The following SUCLA2 variants were observed in gnomAD, a reference collection of about 807,000 sequenced individuals.
SUCLA2 encodes succinate--CoA ligase [ADP-forming] subunit beta, mitochondrial.
In SUCLA2, 30 loss-of-function variants were observed where a neutral mutation model predicts 54.8. The observed-to-expected ratio is 0.55, with a 90% CI of 0.41 to 0.74. The LOEUF is 0.74. Ranked by LOEUF, SUCLA2 falls within the 30% of genes least tolerant of loss-of-function variation. The pLI, the probability that SUCLA2 is intolerant of heterozygous loss-of-function variation, is 0.00. For missense variants in SUCLA2, 476 were observed against 562.9 expected, an observed-to-expected ratio of 0.85 and a Z score of 1.56; for synonymous variants, 172 against 188.9, an observed-to-expected ratio of 0.91 and a Z score of 0.74.
In SUCLA2 at chr13:47,996,970, T is replaced by A; in HGVS notation, c.144A>T (p.Gln48His). 2 of 1,614,144 alleles carry A rather than the reference T, an allele frequency of 1.2e-6. No homozygotes were observed. Among genetic ancestry groups the A allele is most frequent in the Non-Finnish European group, 1.7e-6 (2 of 1,180,008 alleles). The change falls in exon 2 of 11, where the codon CAA (glutamine) becomes CAT (histidine). Residue 48 changes from glutamine to histidine, a missense_variant. Gln to His is a conservative substitution (Grantham distance 24). Coordinates refer to ENST00000646932, the MANE Select transcript of SUCLA2 (RefSeq NM_003850.3). ...CATGTAGTGAGAGATTCCTTTGCTG[T>A]TGCTGCTGTACTTGGAGTCCATGGT... ...FNNHGLQVQQ[Q>H]QQRNLSLHEY...
chr13:47,963,853 A>G (rs936740251), intron 6 of SUCLA2, among the ~76,000 whole-genome samples: 3 of 152,246 alleles, frequency 2.0e-5, no homozygotes, highest in Admixed American at 1.3e-4. Flanking sequence ...CACAAAAAGA[A>G]GCCAGGGTCC....
intron 8 of SUCLA2, among the ~76,000 whole-genome samples, chr13:47,953,893 AAC>A (rs1949796116): frequency 6.6e-6 from 1 of 152,142 alleles, no homozygotes; most frequent in African/African-American, 2.4e-5. Flanking sequence ...ATCATTAATA[AAC>A]ACATAGTTCT....
chr13:47,977,168 A>G (rs1225605676), intron 4 of SUCLA2, among the ~76,000 whole-genome samples: 1 of 152,212 alleles, frequency 6.6e-6, no homozygotes, highest in African/African-American at 2.4e-5. Flanking sequence ...ATGAAAAATT[A>G]TGTATCAACA....
At chr13:47,968,835 G>T in intron 5 of SUCLA2, 102 bp from the exon 6 acceptor site, 1 of 1,323,638 alleles carries the variant, frequency 7.6e-7, no homozygotes. Context: ...TGATAAACAT[G>T]AGTCATTTAT....
At chr13:47,989,249 C>G (rs1403004730) in intron 2 of SUCLA2, among the ~76,000 whole-genome samples, 1 of 146,516 alleles carries the variant, frequency 6.8e-6, no homozygotes, top group African/African-American at 2.5e-5. Flanking sequence ...CTCGCTCTGT[C>G]GCCCAGGCTG....
At position 47,996,987 on chromosome 13, in the gene SUCLA2, G is replaced by T; in HGVS notation, c.127C>A (p.Leu43Ile). The T allele has an allele frequency of 6.2e-7, 1 of 1,614,026 alleles. No individual in the cohort carries two copies. The highest frequency in any genetic ancestry group is 8.5e-7 in the Non-Finnish European group (1 of 1,180,004). ...CTTTGCTGTTGCTGCTGTACTTGGA[G>T]TCCATGGTTATTAAACAATCCAGAA... Reference protein sequence around the residue: ...GSSGLFNNHGLQVQQQQQRNL... With the variant: ...GSSGLFNNHGIQVQQQQQRNL... Residue 43 changes from leucine to isoleucine, a missense_variant, in exon 2 of 11, where the codon CTC (leucine) becomes ATC (isoleucine). This residue lies in a region of SUCLA2 where 134 missense variants were observed against 118.7 expected (regional missense o/e 1.13). Coordinates refer to ENST00000646932, the MANE Select transcript of SUCLA2 (RefSeq NM_003850.3).
At chr13:48,001,004 G>C in intron 1 of SUCLA2, 176 bp downstream of exon 1, 1 of 1,454,454 alleles carries the variant, frequency 6.9e-7, no homozygotes, top group Non-Finnish European at 9.1e-7. Context: ...GCGCAAACAT[G>C]GGCTCGCTCG....
chr13:47,960,586 T>A (rs1949862650), intron 6 of SUCLA2, among the ~76,000 whole-genome samples: 1 of 152,184 alleles, frequency 6.6e-6, no homozygotes, highest in Non-Finnish European at 1.5e-5. Flanking sequence ...AGTTTTAATG[T>A]TCAGAAAAGA....
At chr13:47,947,484 G>A (rs2137685426) in intron 10 of SUCLA2, among the ~76,000 whole-genome samples, 1 of 152,192 alleles carries the variant, frequency 6.6e-6, no homozygotes, top group Admixed American at 6.5e-5. Context: ...GTTGACACGT[G>A]GAAGTATTAC....
At chr13:47,972,625 C>A (rs553396952) in intron 5 of SUCLA2, among the ~76,000 whole-genome samples, 1 of 143,994 alleles carries the variant, frequency 6.9e-6, no homozygotes, top group Admixed American at 7.0e-5. Flanking sequence ...GCCAAGATGG[C>A]GCCACTACAC....
At chr13:47,986,029 GTTTTT>G (rs36000556) in intron 4 of SUCLA2, among the ~76,000 whole-genome samples, 8,905 of 122,214 alleles carry the variant, frequency 0.073, 297 homozygotes, top group Middle Eastern at 0.12. Flanking sequence ...CATATGTATA[GTTTTT>G]TTTTTTTTTT....
At chr13:47,975,127 T>A (rs1172608039) in intron 4 of SUCLA2, among the ~76,000 whole-genome samples, 1 of 151,924 alleles carries the variant, frequency 6.6e-6, no homozygotes, top group Non-Finnish European at 1.5e-5. Context: ...CTTTTTTTTT[T>A]AATCAAAAGA....
chr13:47,983,482 C>A (rs1319853946), intron 4 of SUCLA2, among the ~76,000 whole-genome samples: 2 of 124,978 alleles, frequency 1.6e-5, no homozygotes, highest in Non-Finnish European at 3.2e-5. Flanking sequence ...GTTTAGTTTT[C>A]TTTTCCCTTT....
intron 2 of SUCLA2, among the ~76,000 whole-genome samples, chr13:47,990,618 G>T (rs545822751): frequency 6.6e-6 from 1 of 152,156 alleles, no homozygotes; most frequent in East Asian, 1.9e-4. Context: ...CAGGGCTAAA[G>T]GTCTCACTGT....
At position 47,947,337 on chromosome 13, in the gene SUCLA2, A is replaced by G. The variant is rs1949739927; in HGVS notation, c.1317+1603T>C. ...AAGTAAACAAAATACAAAAAAAACA[A>G]AAAACAAAAAAAACCCTAGGTCACC... On this transcript the variant is annotated intron_variant, in intron 10 of 10. Coordinates refer to ENST00000646932, the MANE Select transcript of SUCLA2 (RefSeq NM_003850.3). 2.6e-5 allele frequency among the ~76,000 whole-genome samples: 4 copies of G among 152,132 alleles called. No individual in the cohort carries two copies. In the South Asian group the frequency reaches 6.2e-4, roughly 24 times the overall value.
chr13:47,987,041 C>G (rs1276499284), intron 4 of SUCLA2, among the ~76,000 whole-genome samples: 3 of 152,202 alleles, frequency 2.0e-5, no homozygotes, highest in Non-Finnish European at 2.9e-5. Context: ...TTCGGTCAAA[C>G]AGTTTTACTG....
At chr13:47,993,261 C>A (rs1950163434) in intron 2 of SUCLA2, among the ~76,000 whole-genome samples, 1 of 152,114 alleles carries the variant, frequency 6.6e-6, no homozygotes, top group African/African-American at 2.4e-5. Flanking sequence ...TTCTGCCAAA[C>A]CCTTACTAAA....
chr13:47,976,618 G>A (rs1950015832), intron 4 of SUCLA2, among the ~76,000 whole-genome samples: 1 of 152,166 alleles, frequency 6.6e-6, no homozygotes, highest in Admixed American at 6.5e-5. Flanking sequence ...CCAGAGGGAA[G>A]TTGACACAGC....
intron 6 of SUCLA2, among the ~76,000 whole-genome samples, chr13:47,960,163 A>G (rs1346745641): frequency 6.6e-6 from 1 of 152,042 alleles, no homozygotes; most frequent in Non-Finnish European, 1.5e-5. Flanking sequence ...TTTTGCTTCT[A>G]ATTTTCATTT....
Sources: allele counts gnomAD v4.1 joint callset (sites outside exome capture counted in the v4.1 genomes callset), GRCh38; gene constraint gnomAD v4.1.1; regional missense constraint gnomAD v4.1.1; transcripts MANE v1.5; gene names NCBI Gene and HGNC (gene_info 2026-07-23, HGNC 2026-07-21).